The following ERC2 variants were observed in gnomAD, a reference collection of about 807,000 sequenced individuals.
ERC2 encodes the protein ERC protein 2.
In ERC2, 42 loss-of-function variants were observed where a neutral mutation model predicts 114.8. The observed-to-expected ratio is 0.37, with a 90% CI of 0.29 to 0.47. ERC2 has a LOEUF of 0.47. ERC2 is among the 20% of genes least tolerant of loss of function. ERC2 has a pLI of 0.99. For synonymous variants in ERC2, 454 were observed against 425.5 expected (o/e 1.07, Z -0.82); for missense variants, 939 against 1,150.7 (o/e 0.82, Z 2.66).
intron 3 of ERC2, among the ~76,000 whole-genome samples, chr3:56,175,301 A>G (rs544669427): frequency 2.0e-5 from 3 of 152,230 alleles, no homozygotes; most frequent in Admixed American, 6.5e-5. Flanking sequence ...TTTGAGAACT[A>G]TACTTCCTAA....
intron 7 of ERC2, among the ~76,000 whole-genome samples, chr3:56,019,484 T>C (rs191427654): frequency 4.6e-5 from 7 of 152,304 alleles, no homozygotes; most frequent in Admixed American, 4.6e-4. Flanking sequence ...AGCCATTCAC[T>C]TACTCCTTTA....
chr3:56,098,749 A>G (rs550258131), intron 6 of ERC2, among the ~76,000 whole-genome samples: 1 of 152,344 alleles, frequency 6.6e-6, no homozygotes, highest in South Asian at 2.1e-4. Context: ...AAAGATGGGC[A>G]GGATGAAGCA....
chr3:55,969,104 C>T (rs977346015), intron 12 of ERC2, among the ~76,000 whole-genome samples: 4 of 152,134 alleles, frequency 2.6e-5, no homozygotes, highest in Admixed American at 6.5e-5. Context: ...TAACTCATTA[C>T]TTTTCATCCT....
intron 13 of ERC2, among the ~76,000 whole-genome samples, chr3:55,942,542 C>T (rs1199093001): frequency 6.6e-6 from 1 of 151,582 alleles, no homozygotes; most frequent in Non-Finnish European, 1.5e-5. Context: ...CGTGATCCGC[C>T]CGCCTCGGCC....
intron 2 of ERC2, among the ~76,000 whole-genome samples, chr3:56,357,761 C>A (rs2058799241): frequency 6.7e-6 from 1 of 149,190 alleles, no homozygotes; most frequent in Non-Finnish European, 1.5e-5. Context: ...TGAGCCATTA[C>A]ATCCACTGGA....
At chr3:55,770,800 C>T (rs913853531) in intron 14 of ERC2, among the ~76,000 whole-genome samples, 9 of 151,932 alleles carry the variant, frequency 5.9e-5, no homozygotes, top group Admixed American at 1.3e-4. Flanking sequence ...TCCCCTTGCC[C>T]CCCACCCCTG....
At chr3:56,456,417 T>C (rs1049188509) in intron 1 of ERC2, among the ~76,000 whole-genome samples, 13 of 152,238 alleles carry the variant, frequency 8.5e-5, no homozygotes, top group African/African-American at 2.9e-4. Flanking sequence ...ATGTACTTTT[T>C]AAAAAGCTGA....
chr3:56,424,095 A>G (rs1418539547), intron 2 of ERC2, among the ~76,000 whole-genome samples: 1 of 152,206 alleles, frequency 6.6e-6, no homozygotes, highest in East Asian at 1.9e-4. Context: ...TGCTGTCAAC[A>G]TAGACTTGAC....
chr3:56,383,575 A>T (rs1239353134), intron 2 of ERC2, among the ~76,000 whole-genome samples: 1 of 152,240 alleles, frequency 6.6e-6, no homozygotes, highest in Non-Finnish European at 1.5e-5. Flanking sequence ...TGCTGAATGA[A>T]TGAATGAATG....
intron 3 of ERC2, among the ~76,000 whole-genome samples, chr3:56,265,236 G>A (rs2053215026): frequency 6.6e-6 from 1 of 152,080 alleles, no homozygotes; most frequent in Admixed American, 6.6e-5. Flanking sequence ...AAACAGTAGG[G>A]TACTCACATA....
At chr3:56,460,555 T>C (rs1438772300) in intron 1 of ERC2, among the ~76,000 whole-genome samples, 1 of 152,196 alleles carries the variant, frequency 6.6e-6, no homozygotes, top group African/African-American at 2.4e-5. Context: ...ATGAGCAATA[T>C]AAAGCACCTA....
intron 13 of ERC2, among the ~76,000 whole-genome samples, chr3:55,944,722 A>G (rs1452330020): frequency 6.6e-6 from 1 of 152,254 alleles, no homozygotes; most frequent in Admixed American, 6.5e-5. Context: ...CTGATTGTCA[A>G]ATAAGATTTT....
At chr3:56,087,216 T>C (rs375342780) in intron 6 of ERC2, among the ~76,000 whole-genome samples, 1 of 133,698 alleles carries the variant, frequency 7.5e-6, no homozygotes, top group Non-Finnish European at 1.6e-5. Flanking sequence ...TGTGTGTGTG[T>C]GTAAGAGCAT....
chr3:56,465,970 A>G (rs1438981274), intron 1 of ERC2, among the ~76,000 whole-genome samples: 1 of 152,268 alleles, frequency 6.6e-6, no homozygotes, highest in Non-Finnish European at 1.5e-5. Flanking sequence ...GGCCAAGGTC[A>G]TGGGCTCTGG....
intron 2 of ERC2, among the ~76,000 whole-genome samples, chr3:56,303,534 G>A (rs1243113837): frequency 1.3e-5 from 2 of 151,872 alleles, no homozygotes; most frequent in Non-Finnish European, 1.5e-5. Context: ...TTTCTGATAG[G>A]CCCTCCTCTA....
intron 3 of ERC2, among the ~76,000 whole-genome samples, chr3:56,293,878 C>G (rs1219664221): frequency 6.6e-6 from 1 of 152,216 alleles, no homozygotes; most frequent in Non-Finnish European, 1.5e-5. Context: ...AAGGCACCAT[C>G]TAGTAAGTGC....
chr3:56,000,999 T>C lies in ERC2; in HGVS notation c.2061+6182A>G, dbSNP rs372241896. ...TTAAAATAGTATTTTGGAGGAATAG[T>C]TCATTATATGAGAAAATTCTAATAA... On this transcript the variant is annotated intron_variant, in intron 10 of 17. Transcript: ENST00000288221. Among the ~76,000 whole-genome samples the C allele has an allele frequency of 1.1e-4, 17 of 150,590 alleles. No individual in the cohort carries two copies. In the South Asian group the frequency reaches 3.6e-3, roughly 32 times the overall value.
At chr3:56,041,100 T>A (rs971932734) in intron 7 of ERC2, among the ~76,000 whole-genome samples, 1 of 152,182 alleles carries the variant, frequency 6.6e-6, no homozygotes, top group African/African-American at 2.4e-5. Context: ...TTGTGATTTT[T>A]CTTGTATGAC....
At chr3:55,738,892 T>C (rs1229372404) in intron 14 of ERC2, among the ~76,000 whole-genome samples, 1 of 152,164 alleles carries the variant, frequency 6.6e-6, no homozygotes, top group Non-Finnish European at 1.5e-5. Context: ...GGTATTTCCC[T>C]AATGCTCTCC....
Sources: gnomAD v4.1 joint callset for allele counts (sites outside exome capture counted in the v4.1 genomes callset) on GRCh38, gnomAD v4.1.1 for gene constraint, MANE v1.5 for transcripts, NCBI Gene and HGNC (gene_info 2026-07-23, HGNC 2026-07-21) for gene names.